Variants in TUBGCP2 observed in about 807,000 individuals in gnomAD.
The protein encoded by TUBGCP2 is gamma-tubulin complex component 2.
A neutral mutation model predicts 92.2 loss-of-function variants in TUBGCP2; 55 were observed. The ratio of observed to expected loss-of-function variants is 0.60; its 90% CI spans 0.48 to 0.75. The LOEUF (loss-of-function observed/expected upper bound fraction) is 0.75. TUBGCP2 is among the 30% of genes least tolerant of loss of function. The pLI is 0.00. For synonymous variants in TUBGCP2, 533 were observed against 505.2 expected, an observed-to-expected ratio of 1.06 and a Z score of -0.74; for missense variants, 1,093 against 1,188.9, an observed-to-expected ratio of 0.92 and a Z score of 1.19.
intron 5 of TUBGCP2, among the ~76,000 whole-genome samples, chr10:133,296,959 T>C (rs992286825): frequency 6.6e-6 from 1 of 152,190 alleles, no homozygotes; most frequent in Non-Finnish European, 1.5e-5. Context: ...AAGGCAAGGG[T>C]TGGCCCCTTG....
At chr10:133,298,862 G>C (rs1460965566) in intron 4 of TUBGCP2, among the ~76,000 whole-genome samples, 1 of 152,254 alleles carries the variant, frequency 6.6e-6, no homozygotes, top group Non-Finnish European at 1.5e-5. Context: ...ACGCACCCAG[G>C]AGGCTAGGAC....
intron 1 of TUBGCP2, among the ~76,000 whole-genome samples, chr10:133,306,422 CA>C (rs1484149929): frequency 1.3e-5 from 2 of 152,168 alleles, no homozygotes; most frequent in Admixed American, 6.5e-5. Flanking sequence ...GCCACCAAAA[CA>C]AAGCACTCCC....
intron 1 of TUBGCP2, among the ~76,000 whole-genome samples, chr10:133,304,853 C>T (rs1263307256): frequency 6.6e-6 from 1 of 152,196 alleles, no homozygotes; most frequent in African/African-American, 2.4e-5. Flanking sequence ...GACCAGAAGA[C>T]AAGAATGTGA....
upstream of TUBGCP2, chr10:133,311,521 A>G (rs1847987388): frequency 3.5e-6 from 2 of 574,556 alleles, no homozygotes; most frequent in African/African-American, 3.7e-5. Flanking sequence ...TCTATTATAT[A>G]AACAATGGCC....
At chr10:133,299,743 A>G in intron 3 of TUBGCP2, 140 bp from the exon 4 acceptor site, 1 of 874,736 alleles carries the variant, frequency 1.1e-6, no homozygotes, top group Non-Finnish European at 1.7e-6. Flanking sequence ...TGCGACAGGC[A>G]GGAACTGAGC....
At chr10:133,311,631 G>C, upstream of TUBGCP2, 1 of 1,202,554 alleles carries the variant, frequency 8.3e-7, no homozygotes. Context: ...GGGAAATCCA[G>C]TTTCTTTCTT....
chr10:133,291,941 G>A lies in TUBGCP2; in HGVS notation c.1214+558C>T, dbSNP rs868173889. Among the ~76,000 whole-genome samples the A allele has an allele frequency of 1.3e-3, 32 of 24,992 alleles. 6 individuals are homozygous for A. Among genetic ancestry groups the A allele is most frequent in the Non-Finnish European group, 2.0e-3 (24 of 12,248 alleles). The allele number at this position is 24,992 out of a possible 152,430, so 16.4% of individuals were successfully genotyped here. ...CCCTCCGTGTCCCCCATGTCCCTCC[G>A]TGTCCCTCCGTGTCCCCGTGTCCCG... On this transcript the variant is annotated intron_variant, in intron 8 of 17. Transcript: ENST00000252936.
chr10:133,281,740 C>T (rs1846983133), intron 16 of TUBGCP2, among the ~76,000 whole-genome samples: 1 of 152,240 alleles, frequency 6.6e-6, no homozygotes. Context: ...TCTCAGTGTC[C>T]CTCACCTCCG....
intron 3 of TUBGCP2, 94 bp downstream of exon 3, chr10:133,299,883 GGAAGAGCT>G (rs1847595845): frequency 6.7e-7 from 1 of 1,486,258 alleles, no homozygotes; most frequent in Non-Finnish European, 9.1e-7. Context: ...GTGTGAGCGA[GGAAGAGCT>G]GACAGGAAGA....
Position 133,283,135 on chromosome 10 carries a change from C to G in TUBGCP2, c.2232G>C (p.Leu744=), listed in dbSNP as rs1007269302. 1 of 1,614,260 alleles carries G rather than the reference C, an allele frequency of 6.2e-7. No homozygotes were observed. The highest frequency in any genetic ancestry group is 8.5e-7 in the Non-Finnish European group (1 of 1,180,046). Residue 744 remains leucine, a synonymous_variant, in exon 15 of 18, where the codon CTG becomes CTC. Transcript: ENST00000252936. ...ACATGAGCTTGGAGAAGACCTTCAGCAGCTCGGGGTTGGTGAGCATGCAGT... is the reference window on the plus strand; with the variant it reads ...ACATGAGCTTGGAGAAGACCTTCAGGAGCTCGGGGTTGGTGAGCATGCAGT... ...LKDCMLTNPE[L]LKVFSKLMSV... is the part of the protein sequence containing the mutation.
chr10:133,293,911 C>T, intron 5 of TUBGCP2, 142 bp from the exon 6 acceptor site: 1 of 873,112 alleles, frequency 1.1e-6, no homozygotes, highest in Non-Finnish European at 1.8e-6. Flanking sequence ...TTGGCTTTGA[C>T]TGACCCCACT....
intron 1 of TUBGCP2, among the ~76,000 whole-genome samples, chr10:133,306,824 G>A (rs1847831100): frequency 6.6e-6 from 1 of 152,092 alleles, no homozygotes; most frequent in African/African-American, 2.4e-5. Context: ...ACTACCTTCA[G>A]GAAACTTCGT....
In TUBGCP2 at chr10:133,283,902, G is replaced by A. The variant is rs755016857; in HGVS notation, c.2125C>T (p.Leu709=). Reference sequence around the variant, plus strand: ...CTCACGGATTTCAGGTTTTTCTCCAGGATGTGCCAGGTCGGTTCCATCACT... The same window carrying A: ...CTCACGGATTTCAGGTTTTTCTCCAAGATGTGCCAGGTCGGTTCCATCACT... ...FEVMEPTWHI[L]EKNLKSASNI... The change falls in exon 14 of 18, where the codon CTG becomes TTG. Residue 709 remains leucine (L), a synonymous_variant. Transcript: ENST00000252936. 8 of 1,613,966 alleles carry A rather than the reference G, an allele frequency of 5.0e-6. No individual in the cohort carries two copies. Among genetic ancestry groups the A allele is most frequent in the African/African-American group, 1.3e-5 (1 of 74,930 alleles).
At chr10:133,302,660 T>C in intron 2 of TUBGCP2, 132 bp downstream of exon 2, 2 of 1,166,864 alleles carry the variant, frequency 1.7e-6, no homozygotes, top group Non-Finnish European at 2.4e-6. Context: ...GGAATGGTGC[T>C]CACCCTGTAC....
intron 2 of TUBGCP2, chr10:133,301,700 C>CTTTTTTTTTTTTTTTTTTTTTTTTTTTTT (rs71016439): frequency 1.1e-5 from 1 of 87,214 alleles, no homozygotes; most frequent in African/African-American, 5.0e-5. Context: ...CAGTCCCTCC[C>CTTTTTTTTTTTTTTTTTTTTTTTTTTTTT]TTTTTTTTTT....
At chr10:133,282,465 C>T (rs1847008708) in intron 15 of TUBGCP2, 123 bp from the exon 16 acceptor site, 1 of 1,328,412 alleles carries the variant, frequency 7.5e-7, no homozygotes, top group Non-Finnish European at 9.9e-7. Context: ...GCTGGGGGTA[C>T]ACAAGCATCT....
At chr10:133,292,815 C>A (rs1014161063) in intron 7 of TUBGCP2, 127 bp from the exon 8 acceptor site, 1 of 1,240,100 alleles carries the variant, frequency 8.1e-7, no homozygotes, top group Non-Finnish European at 1.1e-6. Flanking sequence ...CTTTGGGATA[C>A]GTATTAACTG....
chr10:133,297,913 T>C, intron 5 of TUBGCP2, 39 bp downstream of exon 5: 3 of 1,605,672 alleles, frequency 1.9e-6, no homozygotes, highest in South Asian at 2.2e-5. Flanking sequence ...ACGCATCACG[T>C]ACCTATCGGC....
At chr10:133,297,348 A>G (rs1423676089) in intron 5 of TUBGCP2, 2 of 422,294 alleles carry the variant, frequency 4.7e-6, no homozygotes, top group African/African-American at 4.2e-5. Flanking sequence ...CAGTGTGCCG[A>G]GATCACGCCA....
Sources: gnomAD v4.1 joint callset for allele counts (sites outside exome capture counted in the v4.1 genomes callset) on GRCh38, gnomAD v4.1.1 for gene constraint, MANE v1.5 for transcripts, NCBI Gene and HGNC (gene_info 2026-07-23, HGNC 2026-07-21) for gene names.